Variants in TBC1D1 observed in about 807,000 individuals in gnomAD.
The protein encoded by TBC1D1 is TBC1 (tre-2/USP6, BUB2, cdc16) domain family, member 1.
TBC1D1 carries 89 observed loss-of-function variants against 125.6 expected under a neutral mutation model. That is an observed-to-expected ratio of 0.71 (90% confidence interval 0.60 to 0.85). The LOEUF is 0.85. TBC1D1 is among the 40% of genes least tolerant of loss of function. The pLI is 0.00. For synonymous variants in TBC1D1, 565 were observed against 564.1 expected (o/e 1.00, Z -0.02); for missense variants, 1,377 against 1,469.2 (o/e 0.94, Z 1.03).
intron 2 of TBC1D1, among the ~76,000 whole-genome samples, chr4:38,001,537 T>G (rs777793998): frequency 8.5e-5 from 13 of 152,048 alleles, no homozygotes; most frequent in Non-Finnish European, 1.8e-4. Flanking sequence ...AATCACAAAG[T>G]TGGTCCCTCT....
At chr4:38,029,269 G>A (rs772879434) in intron 7 of TBC1D1, among the ~76,000 whole-genome samples, 18 of 152,038 alleles carry the variant, frequency 1.2e-4, no homozygotes, top group Non-Finnish European at 2.5e-4. Context: ...CAACTGGGTG[G>A]GTTTAAGTGC....
At chr4:38,074,170 C>T (rs12233890) in intron 12 of TBC1D1, among the ~76,000 whole-genome samples, 5,263 of 152,262 alleles carry the variant, frequency 0.035, 236 homozygotes, top group African/African-American at 0.1. Context: ...CTGGGCAGCT[C>T]TGGCTCTGAA....
At chr4:37,980,300 G>T (rs973653503) in intron 2 of TBC1D1, among the ~76,000 whole-genome samples, 2 of 152,210 alleles carry the variant, frequency 1.3e-5, no homozygotes, top group Admixed American at 1.3e-4. Flanking sequence ...CAAGAATGTG[G>T]CTGGGCTTTA....
intron 15 of TBC1D1, among the ~76,000 whole-genome samples, chr4:38,112,531 G>A (rs1762362923): frequency 6.6e-6 from 1 of 152,128 alleles, no homozygotes; most frequent in Non-Finnish European, 1.5e-5. Flanking sequence ...TCTCCACTCT[G>A]CAAACTATGT....
At chr4:37,905,817 C>T (rs1446539850) in intron 2 of TBC1D1, among the ~76,000 whole-genome samples, 1 of 152,212 alleles carries the variant, frequency 6.6e-6, no homozygotes, top group African/African-American at 2.4e-5. Context: ...TAGGATTGCG[C>T]TGGTAAAACT....
chr4:38,089,915 G>A lies in TBC1D1; in HGVS notation c.2051-17G>A, dbSNP rs1003884356. 4 of 1,549,084 alleles carry A rather than the reference G, an allele frequency of 2.6e-6. No individual in the cohort carries two copies. Among genetic ancestry groups the A allele is most frequent in the Non-Finnish European group, 3.5e-6 (4 of 1,150,668 alleles). ...TGTTGAAAAATGACAATTCTGGAAT[G>A]CCGTCTCCCTTTCCAGATTATTCAG... On this transcript the variant is annotated splice_polypyrimidine_tract_variant and intron_variant, in intron 12 of 19. Coordinates refer to ENST00000261439, the MANE Select transcript of TBC1D1 (RefSeq NM_015173.4).
chr4:37,969,274 T>C (rs1318756370), intron 2 of TBC1D1, among the ~76,000 whole-genome samples: 1 of 152,238 alleles, frequency 6.6e-6, no homozygotes, highest in African/African-American at 2.4e-5. Context: ...ACTAATACTA[T>C]TACTACCACC....
chr4:37,902,944 G>A (rs898355219), intron 2 of TBC1D1, among the ~76,000 whole-genome samples: 3 of 152,196 alleles, frequency 2.0e-5, no homozygotes, highest in African/African-American at 4.8e-5. Context: ...TGCTGATGCT[G>A]CCCTTTTGCA....
intron 2 of TBC1D1, among the ~76,000 whole-genome samples, chr4:38,013,009 G>A (rs1371576722): frequency 2.6e-5 from 4 of 151,920 alleles, no homozygotes; most frequent in Non-Finnish European, 5.9e-5. Context: ...TGGCCAGGCT[G>A]GTCTCAACCT....
At chr4:38,039,574 T>TAA (rs1210126860) in intron 8 of TBC1D1, among the ~76,000 whole-genome samples, 1 of 152,218 alleles carries the variant, frequency 6.6e-6, no homozygotes, top group African/African-American at 2.4e-5. Flanking sequence ...TCTGTGGTAT[T>TAA]AATGTCAAGA....
intron 4 of TBC1D1, among the ~76,000 whole-genome samples, chr4:38,019,810 A>G (rs1283163950): frequency 3.9e-5 from 6 of 152,016 alleles, no homozygotes; most frequent in African/African-American, 1.4e-4. Context: ...AAGCTCCTCT[A>G]CTCTGTGTGC....
chr4:38,107,034 C>T (rs1761428427), intron 15 of TBC1D1, among the ~76,000 whole-genome samples: 1 of 152,060 alleles, frequency 6.6e-6, no homozygotes, highest in South Asian at 2.1e-4. Context: ...CTTTCCCATC[C>T]TCGCCTGGCC....
intron 4 of TBC1D1, among the ~76,000 whole-genome samples, chr4:38,019,650 A>C (rs897777637): frequency 7.9e-5 from 12 of 152,198 alleles, no homozygotes; most frequent in African/African-American, 2.9e-4. Flanking sequence ...TGCTTTCAGA[A>C]TACATTGATG....
At chr4:37,921,447 G>T (rs889068533) in intron 2 of TBC1D1, among the ~76,000 whole-genome samples, 1 of 150,076 alleles carries the variant, frequency 6.7e-6, no homozygotes, top group African/African-American at 2.5e-5. Flanking sequence ...TCCCTCTGTC[G>T]CCAAGCTGGA....
At chr4:38,102,020 A>G (rs1266689965) in intron 14 of TBC1D1, among the ~76,000 whole-genome samples, 4 of 145,994 alleles carry the variant, frequency 2.7e-5, no homozygotes, top group Non-Finnish European at 4.5e-5. Flanking sequence ...GCATGTTCTC[A>G]CTCATAGGTG....
chr4:38,038,672 G>T (rs1260328605), intron 8 of TBC1D1, among the ~76,000 whole-genome samples: 1 of 152,174 alleles, frequency 6.6e-6, no homozygotes, highest in African/African-American at 2.4e-5. Context: ...ATCCTGCCGG[G>T]CGCAGTGGCT....
intron 15 of TBC1D1, among the ~76,000 whole-genome samples, chr4:38,108,870 AAAGG>A (rs1332745385): frequency 6.6e-6 from 1 of 152,232 alleles, no homozygotes; most frequent in African/African-American, 2.4e-5. Flanking sequence ...AGAACCTCCA[AAAGG>A]AAGGAATCAG....
intron 2 of TBC1D1, among the ~76,000 whole-genome samples, chr4:37,958,957 G>A (rs1344422685): frequency 6.6e-6 from 1 of 152,080 alleles, no homozygotes; most frequent in African/African-American, 2.4e-5. Context: ...TTCCCTCACT[G>A]ACTCTGGGTG....
At position 37,933,144 on chromosome 4, in the gene TBC1D1, C is replaced by G. The variant is rs563462877; in HGVS notation, c.417+30632C>G. ...AACTGGTTAAAACTGGATGTATTAC[C>G]TATTTTCTCACCTAAGATAATAAAA... On this transcript the variant is annotated intron_variant, in intron 2 of 19. Transcript: ENST00000261439. 2.2e-3 allele frequency among the ~76,000 whole-genome samples: 338 copies of G among 152,044 alleles called. 2 individuals carry two copies. The highest frequency in any genetic ancestry group is 7.9e-3 in the African/African-American group (329 of 41,452).
Sources: gnomAD v4.1 joint callset for allele counts (sites outside exome capture counted in the v4.1 genomes callset) on GRCh38, gnomAD v4.1.1 for gene constraint, MANE v1.5 for transcripts, NCBI Gene and HGNC (gene_info 2026-07-23, HGNC 2026-07-21) for gene names.